NEBL: variants seen among roughly 807,000 people sequenced by gnomAD.
The protein encoded by NEBL is LIM and SH3 protein 2.
In NEBL, 122 loss-of-function variants were observed where a neutral mutation model predicts 140.2. The ratio of observed to expected loss-of-function variants is 0.87; its 90% CI spans 0.75 to 1.01. The LOEUF (loss-of-function observed/expected upper bound fraction) is 1.01. NEBL is among the 50% of genes least tolerant of loss of function. The pLI is 0.00. For synonymous variants in NEBL, 436 were observed against 398.9 expected, an observed-to-expected ratio of 1.09 and a Z score of -1.11; for missense variants, 1,365 against 1,231.3, an observed-to-expected ratio of 1.11 and a Z score of -1.62.
intron 4 of NEBL, among the ~76,000 whole-genome samples, chr10:20,952,385 C>T (rs7082326): frequency 0.15 from 22,931 of 148,128 alleles, 1,976 homozygotes; most frequent in African/African-American, 0.23. Context: ...TGCCATGAGC[C>T]GAAATTGTAC....
Position 21,217,493 on chromosome 10 carries a change from G to A in NEBL, n.348+30428C>T, listed in dbSNP as rs565714559. Among the ~76,000 whole-genome samples the A allele has an allele frequency of 7.9e-5, 12 of 152,088 alleles. No individual in the cohort carries two copies. In the South Asian group the frequency reaches 1.2e-3, roughly 16 times the overall value. ...CAGGTGGCCAGCAAGTTCTAAATAC[G>A]ACTGGCTTCCAATAATTTGAAAACT... On this transcript the variant is annotated intron_variant and non_coding_transcript_variant, in intron 3 of 8. Transcript: ENST00000675702.
intron 3 of NEBL, among the ~76,000 whole-genome samples, chr10:21,199,115 C>T (rs1461688385): frequency 6.6e-6 from 1 of 151,836 alleles, no homozygotes; most frequent in African/African-American, 2.4e-5. Context: ...GCCTCCAACT[C>T]CTAGGCTCAA....
intron 2 of NEBL, among the ~76,000 whole-genome samples, chr10:21,045,962 GA>G (rs2131841569): frequency 6.6e-6 from 1 of 152,150 alleles, no homozygotes; most frequent in East Asian, 1.9e-4. Flanking sequence ...GACACGGAAT[GA>G]ATCTAAGTGC....
chr10:20,993,616 G>T lies in NEBL; in HGVS notation c.249+26501C>A, dbSNP rs886466226. Among the ~76,000 whole-genome samples the T allele has an allele frequency of 5.9e-4, 90 of 152,144 alleles. 1 individual carries two copies. The highest frequency in any genetic ancestry group is 2.2e-4 in the Non-Finnish European group (15 of 68,028). ...ACATGTTCTCACAATGGGTTGCAGG[G>T]ATGCCATGGAAGCCCATCTAAGACC... On this transcript the variant is annotated intron_variant, in intron 3 of 6. Coordinates refer to the NEBL transcript ENST00000417816.
intron 3 of NEBL, among the ~76,000 whole-genome samples, chr10:21,210,141 C>A (rs990299716): frequency 3.3e-5 from 5 of 152,138 alleles, no homozygotes; most frequent in Admixed American, 1.3e-4. Context: ...CCTCTAATCC[C>A]AGCACTTTGG....
intron 2 of NEBL, among the ~76,000 whole-genome samples, chr10:20,890,641 C>G (rs966988788): frequency 6.6e-6 from 1 of 152,184 alleles, no homozygotes; most frequent in Non-Finnish European, 1.5e-5. Context: ...AAGACAAAGC[C>G]CAGTGAGGCT....
chr10:21,007,424 T>G (rs557974493), intron 3 of NEBL, among the ~76,000 whole-genome samples: 1 of 152,382 alleles, frequency 6.6e-6, no homozygotes, highest in African/African-American at 2.4e-5. Context: ...TTTCTCCATT[T>G]GTAATTTATG....
intron 3 of NEBL, among the ~76,000 whole-genome samples, chr10:21,011,357 G>T (rs2131740798): frequency 6.6e-6 from 1 of 152,332 alleles, no homozygotes; most frequent in East Asian, 1.9e-4. Context: ...TGTTAGAGCT[G>T]CCCTGTGATT....
At chr10:21,133,145 G>T (rs114919253) in intron 2 of NEBL, among the ~76,000 whole-genome samples, 2,150 of 152,228 alleles carry the variant, frequency 0.014, 47 homozygotes, top group African/African-American at 0.049. Flanking sequence ...TTTTGTATGT[G>T]TGTGAGGTGG....
intron 1 of NEBL, among the ~76,000 whole-genome samples, chr10:21,253,954 C>T (rs1395795938): frequency 6.6e-6 from 1 of 152,060 alleles, no homozygotes; most frequent in African/African-American, 2.4e-5. Context: ...AAACTTTGCA[C>T]AAATACATGC....
intron 2 of NEBL, among the ~76,000 whole-genome samples, chr10:21,134,887 G>T (rs954479409): frequency 1.3e-5 from 2 of 152,130 alleles, no homozygotes; most frequent in African/African-American, 4.8e-5. Flanking sequence ...ACAGTTTTCA[G>T]AATTTCTCTT....
intron 24 of NEBL, 50 bp from the exon 25 acceptor site, chr10:20,809,948 A>T: frequency 1.0e-5 from 11 of 1,073,034 alleles, no homozygotes; most frequent in Non-Finnish European, 1.5e-5. Flanking sequence ...AATTTAAAAA[A>T]GGAAAAAAAA....
At chr10:20,914,969 A>ATTTT (rs71390798) in intron 4 of NEBL, among the ~76,000 whole-genome samples, 5,799 of 111,208 alleles carry the variant, frequency 0.052, 451 homozygotes, top group South Asian at 0.13. Flanking sequence ...AGTGGCTGGG[A>ATTTT]TTTTTTTTTT....
At chr10:21,102,012 T>A (rs1837501884) in intron 2 of NEBL, among the ~76,000 whole-genome samples, 1 of 152,216 alleles carries the variant, frequency 6.6e-6, no homozygotes. Context: ...TTCTCATAGG[T>A]GTGTCACAAA....
chr10:21,086,483 G>C (rs1420771497), intron 2 of NEBL, among the ~76,000 whole-genome samples: 1 of 152,138 alleles, frequency 6.6e-6, no homozygotes, highest in Non-Finnish European at 1.5e-5. Flanking sequence ...GTGCAAATTA[G>C]AAATCAGTGT....
chr10:20,894,968 T>C (rs1847354141), intron 2 of NEBL, among the ~76,000 whole-genome samples: 1 of 150,708 alleles, frequency 6.6e-6, no homozygotes, highest in South Asian at 2.1e-4. Context: ...AGAATAATCA[T>C]GTCCTAAATT....
intron 4 of NEBL, among the ~76,000 whole-genome samples, chr10:20,954,376 A>T (rs1835678036): frequency 6.6e-6 from 1 of 152,224 alleles, no homozygotes; most frequent in Non-Finnish European, 1.5e-5. Context: ...GGGTCTGTAT[A>T]GAAAAAAAGA....
upstream of NEBL, among the ~76,000 whole-genome samples, chr10:20,898,036 A>G (rs752179856): frequency 6.6e-6 from 1 of 152,184 alleles, no homozygotes; most frequent in Non-Finnish European, 1.5e-5. Context: ...TCTACTCATC[A>G]TGTCAATTTT....
At chr10:20,965,472 G>C (rs1836265278) in intron 3 of NEBL, among the ~76,000 whole-genome samples, 1 of 152,166 alleles carries the variant, frequency 6.6e-6, no homozygotes, top group Non-Finnish European at 1.5e-5. Context: ...AGAGGGAACA[G>C]ACAGAGCAAA....
Sources: allele counts gnomAD v4.1 joint callset (sites outside exome capture counted in the v4.1 genomes callset), GRCh38; gene constraint gnomAD v4.1.1; transcripts MANE v1.5; gene names NCBI Gene and HGNC (gene_info 2026-07-23, HGNC 2026-07-21).